Variants in LSAMP observed in about 807,000 individuals in gnomAD.
The protein encoded by LSAMP is limbic system associated membrane protein.
A neutral mutation model predicts 38.6 loss-of-function variants in LSAMP; 7 were observed. The ratio of observed to expected loss-of-function variants is 0.18; its 90% CI spans 0.10 to 0.34. The LOEUF (loss-of-function observed/expected upper bound fraction) is 0.34. Among genes scored for constraint, LSAMP ranks in the 10% least tolerant of loss-of-function variants. The pLI is 1.00. For missense variants in LSAMP, 313 were observed against 420.0 expected, an observed-to-expected ratio of 0.75 and a Z score of 2.23; for synonymous variants, 154 against 166.8, an observed-to-expected ratio of 0.92 and a Z score of 0.59.
chr3:116,200,269 C>A (rs2045971374), intron 1 of LSAMP, among the ~76,000 whole-genome samples: 1 of 152,088 alleles, frequency 6.6e-6, no homozygotes, highest in African/African-American at 2.4e-5. Flanking sequence ...AACCACACTA[C>A]AGGGAGAGGA....
At chr3:116,197,646 G>C (rs1256143859) in intron 1 of LSAMP, among the ~76,000 whole-genome samples, 3 of 152,002 alleles carry the variant, frequency 2.0e-5, no homozygotes, top group African/African-American at 7.2e-5. Flanking sequence ...TTCTATTTCA[G>C]TATCAAGCCA....
intron 6 of LSAMP, among the ~76,000 whole-genome samples, chr3:115,830,044 G>A (rs1349143284): frequency 6.6e-6 from 1 of 152,018 alleles, no homozygotes; most frequent in African/African-American, 2.4e-5. Flanking sequence ...TGAGCTTGTA[G>A]GCATGAAAAA....
chr3:116,113,569 G>T (rs1708672913), intron 1 of LSAMP, among the ~76,000 whole-genome samples: 1 of 149,244 alleles, frequency 6.7e-6, no homozygotes, highest in Admixed American at 6.7e-5. Context: ...GGGACTACAG[G>T]CGCCCGCCAC....
intron 1 of LSAMP, among the ~76,000 whole-genome samples, chr3:116,409,655 G>A (rs368369604): frequency 5.3e-5 from 8 of 152,090 alleles, no homozygotes; most frequent in South Asian, 2.1e-4. Context: ...CCATATTAAC[G>A]TATAAATACA....
At chr3:116,419,752 G>T (rs1439119290) in intron 1 of LSAMP, among the ~76,000 whole-genome samples, 1 of 152,112 alleles carries the variant, frequency 6.6e-6, no homozygotes, top group Non-Finnish European at 1.5e-5. Flanking sequence ...AGAAAAGATA[G>T]GATAAGTTGC....
intron 3 of LSAMP, among the ~76,000 whole-genome samples, chr3:115,983,773 G>A (rs572347395): frequency 6.6e-6 from 1 of 152,226 alleles, no homozygotes; most frequent in African/African-American, 2.4e-5. Context: ...TGATTAACAC[G>A]ATATGGCTCC....
Position 116,026,292 on chromosome 3 carries a change from C to T in LSAMP, c.389-6652G>A, listed in dbSNP as rs144028900. The stretch of plus-strand genomic sequence containing the variant: ...TTCCTTTATCCACCCTCTACCAGAT[C>T]TCCAGGGTCTGCCCTGACTCTTACG... On this transcript the variant is annotated intron_variant, in intron 2 of 6. Transcript: ENST00000490035. 4.6e-3 allele frequency among the ~76,000 whole-genome samples: 703 copies of T among 152,280 alleles called. 2 individuals carry two copies. The highest frequency in any genetic ancestry group is 6.2e-3 in the Non-Finnish European group (419 of 68,016).
chr3:116,309,936 G>T lies in LSAMP; in HGVS notation c.155+134941C>A, dbSNP rs550663546. ...TGTTTTTGTGACTCTTCTTTCCATG[G>T]TCAACCTTTTTTGATTGGCACATCC... On this transcript the variant is annotated intron_variant, in intron 1 of 6. Coordinates refer to ENST00000490035, the MANE Select transcript of LSAMP (RefSeq NM_002338.5). Among the ~76,000 whole-genome samples, 11 of 152,156 alleles carry T rather than the reference G, an allele frequency of 7.2e-5. No homozygotes were observed. In the South Asian group the frequency reaches 2.3e-3, roughly 31 times the overall value.
At chr3:116,154,778 T>A (rs1291870394) in intron 1 of LSAMP, among the ~76,000 whole-genome samples, 1 of 152,156 alleles carries the variant, frequency 6.6e-6, no homozygotes, top group Non-Finnish European at 1.5e-5. Flanking sequence ...TGAGCATTCT[T>A]TGAGGAATAT....
At chr3:116,003,050 A>T (rs1361910523) in intron 3 of LSAMP, among the ~76,000 whole-genome samples, 3 of 152,132 alleles carry the variant, frequency 2.0e-5, no homozygotes. Flanking sequence ...TATAGCCACT[A>T]CCTTTATCAA....
intron 1 of LSAMP, among the ~76,000 whole-genome samples, chr3:116,131,053 C>T (rs867366372): frequency 2.7e-4 from 39 of 146,316 alleles, no homozygotes; most frequent in Middle Eastern, 7.4e-3. Context: ...TGCAGTGGCA[C>T]GGTCTTGGCT....
chr3:116,239,287 G>A (rs1024008092), intron 1 of LSAMP, among the ~76,000 whole-genome samples: 6 of 152,084 alleles, frequency 3.9e-5, no homozygotes, highest in Non-Finnish European at 5.9e-5. Context: ...TCTCTGTCTT[G>A]ATAAAGTTCA....
At position 116,019,570 on chromosome 3, in the gene LSAMP, G is replaced by A. The variant is rs370849565; in HGVS notation, c.459C>T (p.Cys153=). 6.2e-7 allele frequency: 1 copy of A among 1,613,000 alleles called. No individual in the cohort carries two copies. Among genetic ancestry groups the A allele is most frequent in the Admixed American group, 1.7e-5 (1 of 60,006 alleles). The part of the protein sequence containing the change: ...VNEGSNVTLV[C]MANGRPEPVI... Reference sequence around the variant, plus strand: ...CAGGTTCAGGACGGCCATTGGCCATGCAGACCAGAGTCACGTTGCTGCCCT... The same window carrying A: ...CAGGTTCAGGACGGCCATTGGCCATACAGACCAGAGTCACGTTGCTGCCCT... The change falls in exon 3 of 7, where the codon TGC becomes TGT. Residue 153 remains cysteine (C), a synonymous_variant. Transcript: ENST00000490035.
At chr3:115,963,564 C>T (rs1012315679) in intron 3 of LSAMP, among the ~76,000 whole-genome samples, 1 of 152,128 alleles carries the variant, frequency 6.6e-6, no homozygotes, top group Admixed American at 6.5e-5. Flanking sequence ...AAAACTCTGA[C>T]CATTAGATGT....
At position 116,215,830 on chromosome 3, in the gene LSAMP, C is replaced by T. The variant is rs115823662; in HGVS notation, c.156-129274G>A. On this transcript the variant is annotated intron_variant, in intron 1 of 6. Transcript: ENST00000490035. ...AGTTGATTAAAGCAAAACAGAGGCA[C>T]GAAGAAATTGGCAGTGAATAACATG... 1.7e-3 allele frequency among the ~76,000 whole-genome samples: 252 copies of T among 152,122 alleles called. 1 individual carries two copies. The highest frequency in any genetic ancestry group is 5.4e-3 in the African/African-American group (224 of 41,474).
intron 1 of LSAMP, among the ~76,000 whole-genome samples, chr3:116,206,766 A>G (rs900808977): frequency 6.6e-6 from 1 of 151,376 alleles, no homozygotes; most frequent in African/African-American, 2.4e-5. Flanking sequence ...GTGGTCTGAG[A>G]GATAGTTTGT....
chr3:115,826,154 A>G (rs1816676), intron 6 of LSAMP, among the ~76,000 whole-genome samples: 48,434 of 151,030 alleles, frequency 0.32, 8,015 homozygotes, highest in African/African-American at 0.39. Context: ...TCGATCTGTC[A>G]CCCAGGCTGG....
chr3:116,303,050 A>AT (rs200162570), intron 1 of LSAMP, among the ~76,000 whole-genome samples: 5 of 151,664 alleles, frequency 3.3e-5, no homozygotes, highest in African/African-American at 4.8e-5. Context: ...ATTTTAATTA[A>AT]TTTTTTTTTG....
At chr3:116,443,309 T>C (rs1451356857) in intron 1 of LSAMP, among the ~76,000 whole-genome samples, 3 of 152,226 alleles carry the variant, frequency 2.0e-5, no homozygotes, top group Non-Finnish European at 2.9e-5. Context: ...AAATCACACA[T>C]GCAGGTTTAT....
Sources: gnomAD v4.1 joint callset for allele counts (sites outside exome capture counted in the v4.1 genomes callset) on GRCh38, gnomAD v4.1.1 for gene constraint, MANE v1.5 for transcripts, NCBI Gene and HGNC (gene_info 2026-07-23, HGNC 2026-07-21) for gene names.